Variants in KLHL1 observed in about 807,000 individuals in gnomAD.
KLHL1 encodes kelch like family member 1, also known as kelch-like protein 1.
Under a neutral mutation model 77.7 loss-of-function variants are expected in KLHL1, and 47 were observed. That is an observed-to-expected ratio of 0.60 (90% CI 0.48 to 0.77). The LOEUF (loss-of-function observed/expected upper bound fraction) is 0.77. KLHL1 is among the 30% of genes least tolerant of loss of function. The pLI is 0.00. For synonymous variants in KLHL1, 360 were observed against 325.2 expected, an observed-to-expected ratio of 1.11 and a Z score of -1.15; for missense variants, 925 against 910.8, an observed-to-expected ratio of 1.02 and a Z score of -0.20.
chr13:69,888,467 A>C (rs537903970), intron 4 of KLHL1, among the ~76,000 whole-genome samples: 1 of 152,232 alleles, frequency 6.6e-6, no homozygotes, highest in Admixed American at 6.6e-5. Context: ...TCTAAGAGAA[A>C]TTTTGAGATA....
chr13:70,022,135 A>G (rs1593680924), intron 1 of KLHL1, among the ~76,000 whole-genome samples: 1 of 151,870 alleles, frequency 6.6e-6, no homozygotes, highest in South Asian at 2.1e-4. Flanking sequence ...CCTGTCATTC[A>G]TTATCTATCA....
At chr13:69,846,099 GT>G (rs76541822) in intron 5 of KLHL1, among the ~76,000 whole-genome samples, 7,271 of 151,454 alleles carry the variant, frequency 0.048, 248 homozygotes, top group African/African-American at 0.088. Flanking sequence ...TAAATAACAA[GT>G]TTTTAAAATC....
intron 2 of KLHL1, among the ~76,000 whole-genome samples, chr13:69,974,484 A>C (rs943975103): frequency 2.0e-5 from 3 of 151,928 alleles, no homozygotes; most frequent in East Asian, 1.9e-4. Context: ...ATTGCTCAAC[A>C]GATTGGTTAA....
intron 4 of KLHL1, among the ~76,000 whole-genome samples, chr13:69,937,740 G>C (rs1369849220): frequency 6.6e-6 from 1 of 152,040 alleles, no homozygotes; most frequent in East Asian, 1.9e-4. Flanking sequence ...GGAATTATTT[G>C]CACAAATTCA....
intron 6 of KLHL1, among the ~76,000 whole-genome samples, chr13:69,830,478 T>C (rs539339782): frequency 6.7e-6 from 1 of 150,194 alleles, no homozygotes; most frequent in East Asian, 1.9e-4. Context: ...AGAAATGATA[T>C]AGATGGCAAC....
At chr13:69,929,776 C>T (rs1040989516) in intron 4 of KLHL1, among the ~76,000 whole-genome samples, 3 of 151,670 alleles carry the variant, frequency 2.0e-5, no homozygotes, top group Admixed American at 6.6e-5. Context: ...ACTATTTGCA[C>T]GGGATTATGG....
chr13:69,933,240 AC>A, intron 4 of KLHL1, among the ~76,000 whole-genome samples: 1 of 152,288 alleles, frequency 6.6e-6, no homozygotes, highest in African/African-American at 2.4e-5. Context: ...AAAAGGAGTA[AC>A]ACAAAATGAT....
chr13:69,799,214 T>C (rs2138042688), intron 6 of KLHL1, among the ~76,000 whole-genome samples: 1 of 152,326 alleles, frequency 6.6e-6, no homozygotes, highest in South Asian at 2.1e-4. Flanking sequence ...TTTTCTGGTA[T>C]GAGTGGACAA....
chr13:69,838,429 G>A (rs578030023), intron 6 of KLHL1, among the ~76,000 whole-genome samples: 7 of 151,758 alleles, frequency 4.6e-5, no homozygotes, highest in South Asian at 2.1e-4. Context: ...CTCTAAAAAC[G>A]TAAGAATAAA....
At chr13:69,969,489 ATAAAC>A (rs1296273603) in intron 2 of KLHL1, among the ~76,000 whole-genome samples, 1 of 152,140 alleles carries the variant, frequency 6.6e-6, no homozygotes, top group African/African-American at 2.4e-5. Context: ...ACAAACTATA[ATAAAC>A]TAGAGGATAA....
chr13:69,901,229 G>GA (rs910567169), intron 4 of KLHL1, among the ~76,000 whole-genome samples: 110 of 151,706 alleles, frequency 7.3e-4, no homozygotes, highest in African/African-American at 9.9e-4. Context: ...TGTGAAAACA[G>GA]AAAAAAAATG....
chr13:69,968,458 T>C (rs1214673456), intron 2 of KLHL1, among the ~76,000 whole-genome samples: 2 of 150,458 alleles, frequency 1.3e-5, no homozygotes, highest in Non-Finnish European at 3.0e-5. Context: ...ACCTGCAATA[T>C]CTTCAGGGTG....
Position 69,900,279 on chromosome 13 carries a change from G to A in KLHL1, c.1015-17784C>T, listed in dbSNP as rs561414253. ...ACAGTACAACAATGGGCTCATGAACGTAATATTCATTGGTCTCACCATATA... is the reference window on the plus strand; with the variant it reads ...ACAGTACAACAATGGGCTCATGAACATAATATTCATTGGTCTCACCATATA... On this transcript the variant is annotated intron_variant, in intron 4 of 10. Transcript: ENST00000377844. 3.9e-5 allele frequency among the ~76,000 whole-genome samples: 6 copies of A among 152,178 alleles called. No individual in the cohort carries two copies. The South Asian group carries it at 8.3e-4, about 21-fold the overall frequency.
chr13:69,985,105 C>G (rs1431008256), intron 1 of KLHL1, among the ~76,000 whole-genome samples: 1 of 151,472 alleles, frequency 6.6e-6, no homozygotes, highest in Non-Finnish European at 1.5e-5. Flanking sequence ...GAGCGAGACT[C>G]TGTCTCAAAA....
At chr13:70,101,764 T>A (rs1887928476) in intron 1 of KLHL1, among the ~76,000 whole-genome samples, 1 of 152,134 alleles carries the variant, frequency 6.6e-6, no homozygotes, top group African/African-American at 2.4e-5. Flanking sequence ...TTAGTTTCTC[T>A]AAAGCACACT....
At position 70,012,843 on chromosome 13, in the gene KLHL1, C is replaced by A. The variant is rs753942957; in HGVS notation, c.498-37041G>T. Among the ~76,000 whole-genome samples, 151 of 151,840 alleles carry A rather than the reference C, an allele frequency of 9.9e-4. 1 individual carries two copies. The highest frequency in any genetic ancestry group is 1.6e-3 in the Non-Finnish European group (112 of 67,990). On this transcript the variant is annotated intron_variant, in intron 1 of 10. Transcript: ENST00000377844. ...GCATGAACCTGGGAGGCAGAGCTTG[C>A]AGTGAGGTGAGATCTCGCCCCTGCA...
chr13:69,914,490 C>T (rs1882352681), intron 4 of KLHL1, among the ~76,000 whole-genome samples: 1 of 152,090 alleles, frequency 6.6e-6, no homozygotes. Flanking sequence ...GCTAAGGCAA[C>T]AAAATACAAC....
chr13:69,947,028 TTGTGTGTGTGTGTGTGTG>T (rs59606834), intron 3 of KLHL1, among the ~76,000 whole-genome samples: 229 of 146,008 alleles, frequency 1.6e-3, no homozygotes, highest in East Asian at 0.015. Context: ...TGTGTGTGTG[TTGTGTGTGTGTGTGTGTG>T]TGTGTGTGTG....
chr13:69,794,511 G>GA (rs767862897), intron 7 of KLHL1, among the ~76,000 whole-genome samples: 144 of 144,122 alleles, frequency 1.0e-3, no homozygotes, highest in Non-Finnish European at 1.4e-3. Context: ...AGAAACAGTA[G>GA]AAAAAAAAAG....
Sources: allele counts gnomAD v4.1 joint callset (sites outside exome capture counted in the v4.1 genomes callset), GRCh38; gene constraint gnomAD v4.1.1; transcripts MANE v1.5; gene names NCBI Gene and HGNC (gene_info 2026-07-23, HGNC 2026-07-21).